The following PPP2R2C variants were observed in gnomAD, a reference collection of about 807,000 sequenced individuals.
PPP2R2C encodes the protein protein phosphatase 2 regulatory subunit Bgamma, also known as protein phosphatase 2, regulatory subunit B, gamma.
A neutral mutation model predicts 45.3 loss-of-function variants in PPP2R2C; 10 were observed. The ratio of observed to expected loss-of-function variants is 0.22; its 90% CI spans 0.14 to 0.37. The LOEUF (loss-of-function observed/expected upper bound fraction) is 0.37. Among genes scored for constraint, PPP2R2C ranks in the 10% least tolerant of loss-of-function variants. PPP2R2C has a pLI of 1.00. For missense variants in PPP2R2C, 308 were observed against 619.7 expected, an observed-to-expected ratio of 0.50 and a Z score of 5.34; for synonymous variants, 257 against 245.4, an observed-to-expected ratio of 1.05 and a Z score of -0.44.
In PPP2R2C at chr4:6,327,811, T is replaced by A. The variant is rs537824227; in HGVS notation, c.1052+1451A>T. On this transcript the variant is annotated intron_variant, in intron 8 of 8. Coordinates refer to ENST00000382599, the MANE Select transcript of PPP2R2C (RefSeq NM_020416.4). The stretch of plus-strand genomic sequence containing the variant: ...GTGATCACCATGCCAGCCCCTTGCC[T>A]GAGCTCGGGCTCTGCTGAGAGACCC... 1.1e-4 allele frequency among the ~76,000 whole-genome samples: 17 copies of A among 152,300 alleles called. No homozygotes were observed. In the East Asian group the frequency reaches 3.1e-3, roughly 28 times the overall value.
chr4:6,448,335 G>A (rs889065840), intron 1 of PPP2R2C, among the ~76,000 whole-genome samples: 8 of 152,100 alleles, frequency 5.3e-5, no homozygotes, highest in Admixed American at 5.2e-4. Context: ...CAAGGCAGGT[G>A]GATCCCTTGG....
chr4:6,554,544 G>A (rs1334838496), intron 1 of PPP2R2C, among the ~76,000 whole-genome samples: 1 of 152,156 alleles, frequency 6.6e-6, no homozygotes, highest in African/African-American at 2.4e-5. Context: ...CTTAGACTGA[G>A]TAGTTTATGA....
intron 1 of PPP2R2C, among the ~76,000 whole-genome samples, chr4:6,544,884 C>T (rs1419615374): frequency 6.6e-6 from 1 of 152,190 alleles, no homozygotes; most frequent in Non-Finnish European, 1.5e-5. Context: ...AGGTTGATTC[C>T]AGGTTTATTT....
intron 1 of PPP2R2C, chr4:6,555,625 G>C (rs922048268): frequency 6.6e-6 from 1 of 152,256 alleles, no homozygotes; most frequent in Non-Finnish European, 1.5e-5. Context: ...TGAACCCCAC[G>C]GGCGAGGGCC....
At chr4:6,536,492 G>A (rs1267675506) in intron 1 of PPP2R2C, among the ~76,000 whole-genome samples, 4 of 152,208 alleles carry the variant, frequency 2.6e-5, no homozygotes, top group Non-Finnish European at 5.9e-5. Flanking sequence ...GTGAAAAAAG[G>A]TGTGTCCACT....
intron 1 of PPP2R2C, among the ~76,000 whole-genome samples, chr4:6,448,109 C>A (rs1393362907): frequency 6.6e-6 from 1 of 152,182 alleles, no homozygotes; most frequent in South Asian, 2.1e-4. Flanking sequence ...CTTCCAGAGA[C>A]CACCTGAGGG....
chr4:6,529,621 T>C (rs990660715), intron 2 of PPP2R2C, among the ~76,000 whole-genome samples: 4 of 152,126 alleles, frequency 2.6e-5, no homozygotes, highest in African/African-American at 7.2e-5. Flanking sequence ...CCAAAGCCCC[T>C]ACCCCATCCC....
At chr4:6,355,551 C>CAAAAAAAAA (rs566926127) in intron 5 of PPP2R2C, among the ~76,000 whole-genome samples, 26 of 78,960 alleles carry the variant, frequency 3.3e-4, no homozygotes, top group African/African-American at 1.1e-3. Flanking sequence ...ACAGAAAGCA[C>CAAAAAAAAA]AAAAAAAAAA....
At chr4:6,460,915 G>GCCT (rs1721286801) in intron 1 of PPP2R2C, among the ~76,000 whole-genome samples, 2 of 151,952 alleles carry the variant, frequency 1.3e-5, no homozygotes, top group Non-Finnish European at 2.9e-5. Context: ...AAACAGTCCT[G>GCCT]CCTCCCACTT....
chr4:6,390,817 A>G (rs1378526437), intron 1 of PPP2R2C, among the ~76,000 whole-genome samples: 2 of 152,122 alleles, frequency 1.3e-5, no homozygotes, highest in Non-Finnish European at 2.9e-5. Flanking sequence ...GAGTCCAGGC[A>G]CCGCCCGGCA....
intron 1 of PPP2R2C, among the ~76,000 whole-genome samples, chr4:6,448,608 C>T (rs1033772785): frequency 1.3e-5 from 2 of 152,042 alleles, no homozygotes; most frequent in African/African-American, 2.4e-5. Flanking sequence ...TGTTTCCTCA[C>T]TCCCACTGCT....
intron 1 of PPP2R2C, among the ~76,000 whole-genome samples, chr4:6,451,308 C>G (rs1196980984): frequency 6.6e-6 from 1 of 152,238 alleles, no homozygotes; most frequent in East Asian, 1.9e-4. Context: ...ACACTCCAGC[C>G]CCTGCCCTCC....
intron 1 of PPP2R2C, among the ~76,000 whole-genome samples, chr4:6,551,348 GAACAAACAC>G (rs1725179026): frequency 6.6e-6 from 1 of 152,220 alleles, no homozygotes; most frequent in Non-Finnish European, 1.5e-5. Context: ...TAGAATGAAT[GAACAAACAC>G]GTGGCATGGA....
At chr4:6,487,579 C>T (rs530884012) in intron 2 of PPP2R2C, among the ~76,000 whole-genome samples, 8 of 152,126 alleles carry the variant, frequency 5.3e-5, no homozygotes, top group Non-Finnish European at 8.8e-5. Context: ...TAATCCATAT[C>T]TTTGCTGCTT....
intron 1 of PPP2R2C, among the ~76,000 whole-genome samples, chr4:6,552,762 G>A (rs900313800): frequency 2.0e-5 from 3 of 152,110 alleles, no homozygotes; most frequent in African/African-American, 7.2e-5. Context: ...GACATCTTTG[G>A]GGGGCATTAT....
chr4:6,326,745 A>G (rs1731976339), intron 8 of PPP2R2C, among the ~76,000 whole-genome samples: 2 of 152,260 alleles, frequency 1.3e-5, no homozygotes, highest in Non-Finnish European at 2.9e-5. Flanking sequence ...AGAGACTGAG[A>G]GAGTCCAGCA....
rs1486560549 is a variant in PPP2R2C at position 6,332,417 on chromosome 4, G to T, written c.960+1145C>A. 6.6e-6 allele frequency among the ~76,000 whole-genome samples: 1 copy of T among 152,172 alleles called. No individual in the cohort carries two copies. Among genetic ancestry groups the T allele is most frequent in the Non-Finnish European group, 1.5e-5 (1 of 68,030 alleles). ...GCAAGAACTCAAGTAAACACACGTG[G>T]CTGACAAACAGGCGGTCCCCATAGC... On this transcript the variant is annotated intron_variant, in intron 7 of 8. Transcript: ENST00000382599. This position sits in a 1 kb window ranked among gnomAD's most constrained non-coding sequence, Gnocchi z 4.9.
At chr4:6,349,444 C>A in intron 5 of PPP2R2C, 1 of 982,340 alleles carries the variant, frequency 1.0e-6, no homozygotes, top group Non-Finnish European at 1.2e-6. Flanking sequence ...CTGCCTGATG[C>A]GTTGCAGAGC....
chr4:6,382,024 G>A, intron 1 of PPP2R2C: 1 of 1,409,834 alleles, frequency 7.1e-7, no homozygotes, highest in Admixed American at 3.3e-5. Context: ...CCCCACTGGA[G>A]GACAGCTCAC....
Sources: allele counts gnomAD v4.1 joint callset (sites outside exome capture counted in the v4.1 genomes callset), GRCh38; gene constraint gnomAD v4.1.1; non-coding constraint Gnocchi (gnomAD v3.1); transcripts MANE v1.5; gene names NCBI Gene and HGNC (gene_info 2026-07-23, HGNC 2026-07-21).